CCDC60: variants seen among roughly 807,000 people sequenced by gnomAD.
The protein encoded by CCDC60 is coiled-coil domain containing 60.
In CCDC60, 54 loss-of-function variants were observed where a neutral mutation model predicts 63.5. The observed-to-expected ratio is 0.85, with a 90% CI of 0.68 to 1.07. CCDC60 has a LOEUF of 1.07. CCDC60 is among the 50% of genes least tolerant of loss of function. The pLI is 0.00. For missense variants in CCDC60, 651 were observed against 684.3 expected (o/e 0.95, Z 0.54); for synonymous variants, 206 against 238.8 (o/e 0.86, Z 1.27).
At chr12:119,424,594 G>T (rs893732710) in intron 1 of CCDC60, among the ~76,000 whole-genome samples, 7 of 152,192 alleles carry the variant, frequency 4.6e-5, no homozygotes, top group African/African-American at 1.4e-4. Context: ...AAAGGTTGTA[G>T]AGAGAGTGAT....
chr12:119,454,005 A>C (rs1338602603), intron 2 of CCDC60, among the ~76,000 whole-genome samples: 1 of 152,220 alleles, frequency 6.6e-6, no homozygotes, highest in Non-Finnish European at 1.5e-5. Flanking sequence ...ATTGCCTCTC[A>C]TATATGATTT....
At chr12:119,533,217 T>C (rs1191715635) in intron 13 of CCDC60, among the ~76,000 whole-genome samples, 1 of 152,226 alleles carries the variant, frequency 6.6e-6, no homozygotes, top group Non-Finnish European at 1.5e-5. Context: ...AAATGTCTTC[T>C]TTTGAGAAGT....
rs533962595 is a variant in CCDC60, at chr12:119,476,825, T to C, written c.342-2269T>C. ...TTCTTACTCATGACATGGCCTCCTC[T>C]ACAGAGTCTTTACACATGCTGTTCC... On this transcript the variant is annotated intron_variant, in intron 3 of 13. Coordinates refer to ENST00000327554, the MANE Select transcript of CCDC60 (RefSeq NM_178499.5). Among the ~76,000 whole-genome samples, 129 of 152,270 alleles carry C rather than the reference T, an allele frequency of 8.5e-4. 1 individual carries two copies. Among genetic ancestry groups the C allele is most frequent in the African/African-American group, 3.0e-3 (124 of 41,566 alleles).
chr12:119,528,518 A>G lies in CCDC60; in HGVS notation c.1230-97A>G, dbSNP rs1593221813. On this transcript the variant is annotated intron_variant, in intron 11 of 13. Transcript: ENST00000327554. ...GACAGGGTTAAGAAAAGCCTCATGAAGGAAAAGGTGTTTAAGTCAGATCTC... is the reference window on the plus strand; with the variant it reads ...GACAGGGTTAAGAAAAGCCTCATGAGGGAAAAGGTGTTTAAGTCAGATCTC... 2.2e-6 allele frequency: 3 copies of G among 1,361,080 alleles called. No homozygotes were observed. The African/African-American group carries it at 4.4e-5, about 20-fold the overall frequency. The allele number at this position is 1,361,080 out of a possible 1,614,324, so 84.3% of individuals were successfully genotyped here.
chr12:119,510,199 T>G (rs1422271734), intron 7 of CCDC60, among the ~76,000 whole-genome samples: 1 of 152,244 alleles, frequency 6.6e-6, no homozygotes, highest in East Asian at 1.9e-4. Context: ...CTCAACATCT[T>G]TCAATGACTC....
chr12:119,430,923 A>T (rs1950218654), intron 2 of CCDC60, among the ~76,000 whole-genome samples: 1 of 152,204 alleles, frequency 6.6e-6, no homozygotes, highest in Admixed American at 6.5e-5. Context: ...TCTTGCAGAG[A>T]ATGATCCAGC....
At chr12:119,403,049 C>A (rs1041852916) in intron 1 of CCDC60, among the ~76,000 whole-genome samples, 1 of 152,212 alleles carries the variant, frequency 6.6e-6, no homozygotes, top group Non-Finnish European at 1.5e-5. Context: ...ACTCTTCTTT[C>A]TTCTGTGTTG....
chr12:119,390,906 C>T (rs1362828924), intron 1 of CCDC60, among the ~76,000 whole-genome samples: 2 of 152,350 alleles, frequency 1.3e-5, no homozygotes, highest in African/African-American at 4.8e-5. Context: ...AGCAGCAGTG[C>T]TTCCAGGCGG....
chr12:119,415,320 A>G (rs7298161), intron 1 of CCDC60, among the ~76,000 whole-genome samples: 82,741 of 152,046 alleles, frequency 0.54, 22,900 homozygotes, highest in South Asian at 0.64. Flanking sequence ...CCTAGGAAAA[A>G]AGGGCAGCAG....
intron 1 of CCDC60, among the ~76,000 whole-genome samples, chr12:119,413,868 C>T (rs1279725265): frequency 2.0e-5 from 3 of 152,130 alleles, no homozygotes; most frequent in Non-Finnish European, 4.4e-5. Context: ...CTGAAGGGTT[C>T]ACAGAAGAGA....
chr12:119,530,780 A>ACAGAGAG, intron 12 of CCDC60, 94 bp from the exon 13 acceptor site: 1 of 1,060,950 alleles, frequency 9.4e-7, no homozygotes, highest in Non-Finnish European at 1.4e-6. Flanking sequence ...TGGAGACATC[A>ACAGAGAG]CAGAGAGCAG....
intron 9 of CCDC60, 74 bp from the exon 10 acceptor site, chr12:119,522,865 C>A: frequency 2.3e-6 from 3 of 1,319,872 alleles, no homozygotes; most frequent in South Asian, 1.2e-5. Flanking sequence ...TAGCAGGTGC[C>A]ATGGAGCACT....
At chr12:119,371,437 G>GAATGAATGAGTGAATGAATGA (rs1955897021) in intron 1 of CCDC60, among the ~76,000 whole-genome samples, 2 of 152,156 alleles carry the variant, frequency 1.3e-5, no homozygotes, top group Non-Finnish European at 2.9e-5. Flanking sequence ...AATAGTTGTG[G>GAATGAATGAGTGAATGAATGA]AATGAATGAG....
intron 2 of CCDC60, chr12:119,433,581 C>T (rs1395117597): frequency 4.3e-6 from 3 of 702,322 alleles, no homozygotes; most frequent in Middle Eastern, 2.3e-4. Flanking sequence ...CTCCAAGTGG[C>T]ACAAACTCCC....
rs549762929 is a variant in CCDC60, at chr12:119,356,492, C to G, written c.90+21226C>G. Among the ~76,000 whole-genome samples the G allele has an allele frequency of 6.6e-5, 10 of 152,278 alleles. No homozygotes were observed. In the South Asian group the frequency reaches 1.2e-3, roughly 19 times the overall value. ...ACTTTAGCAAAGAACTCATGTCAATCTTTTATGAGATTGTTCAGACCATTT... is the reference window on the plus strand; with the variant it reads ...ACTTTAGCAAAGAACTCATGTCAATGTTTTATGAGATTGTTCAGACCATTT... On this transcript the variant is annotated intron_variant, in intron 1 of 13. Coordinates refer to ENST00000327554, the MANE Select transcript of CCDC60 (RefSeq NM_178499.5).
intron 7 of CCDC60, among the ~76,000 whole-genome samples, chr12:119,507,591 CATAT>C (rs57668490): frequency 1.3e-4 from 3 of 23,022 alleles, no homozygotes; most frequent in East Asian, 2.7e-3. Context: ...CATATATATA[CATAT>C]ATATATATAT....
intron 8 of CCDC60, among the ~76,000 whole-genome samples, chr12:119,519,424 T>G (rs1179102708): frequency 7.2e-6 from 1 of 139,772 alleles, no homozygotes; most frequent in Admixed American, 7.4e-5. Flanking sequence ...TGTGTGTGTG[T>G]GTGTGTGTGT....
At chr12:119,509,233 A>T (rs1439560349) in intron 7 of CCDC60, among the ~76,000 whole-genome samples, 2 of 152,208 alleles carry the variant, frequency 1.3e-5, no homozygotes, top group Non-Finnish European at 1.5e-5. Context: ...CATACACAAA[A>T]ATTTGTGTTT....
In CCDC60 at chr12:119,456,007, GAAAGAAAGAA is replaced by G. The variant is rs1566019380; in HGVS notation, c.171-15985_171-15976del. Among the ~76,000 whole-genome samples, 850 of 113,574 alleles carry G rather than the reference GAAAGAAAGAA, an allele frequency of 7.5e-3. 26 individuals carry two copies. The highest frequency in any genetic ancestry group is 0.02 in the African/African-American group (576 of 28,592). 74.5% of individuals were successfully genotyped at this position (113,574 alleles called of 152,430 possible). ...AGAGAAAGAGAGAGAGAAAGAGAAA[GAAAGAAAGAA>G]AGAAAGAAAGAAAGAAAGAAAGAAA... On this transcript the variant is annotated intron_variant, in intron 2 of 13. Transcript: ENST00000327554. This position sits in a 1 kb window ranked among gnomAD's most constrained non-coding sequence, Gnocchi z 4.6.
Sources: allele counts gnomAD v4.1 joint callset (sites outside exome capture counted in the v4.1 genomes callset), GRCh38; gene constraint gnomAD v4.1.1; non-coding constraint Gnocchi (gnomAD v3.1); transcripts MANE v1.5; gene names NCBI Gene and HGNC (gene_info 2026-07-23, HGNC 2026-07-21).